The following KIR3DL1 variants were observed in gnomAD, a reference collection of about 807,000 sequenced individuals.
The protein encoded by KIR3DL1 is killer cell immunoglobulin-like receptor 3DL1.
In KIR3DL1, 50 loss-of-function variants were observed where a neutral mutation model predicts 40.3. That is an observed-to-expected ratio of 1.24 (90% confidence interval 0.99 to 1.57). The LOEUF is 1.57. Ranked by LOEUF, KIR3DL1 falls within the 40% of genes most tolerant of loss-of-function variation. The probability of loss-of-function intolerance (pLI) is 0.00; values close to 1 mark genes in which losing one functional copy is unlikely to be tolerated. For synonymous variants in KIR3DL1, 257 were observed against 207.2 expected (o/e 1.24, Z -2.07); for missense variants, 661 against 559.9 (o/e 1.18, Z -1.82).
chr19:54,830,607 A>G (rs1161869289), exon 9 of KIR3DL1: 7 of 346,154 alleles, frequency 2.0e-5, no homozygotes, highest in Non-Finnish European at 3.7e-5. Context: ...TTCCAAACAT[A>G]CAAGAGGCTC....
rs1411858978 is a variant in KIR3DL1, at chr19:54,828,060, G to A, written c.1001-1301G>A. 1.7e-4 allele frequency among the ~76,000 whole-genome samples: 25 copies of A among 150,648 alleles called. 2 individuals carry two copies. Among genetic ancestry groups the A allele is most frequent in the African/African-American group, 5.9e-4 (24 of 40,384 alleles). On this transcript the variant is annotated intron_variant, in intron 6 of 8. Transcript: ENST00000391728. ...AATTCACAGGAGGACAGGTGGTATTGAAGCAATAGATAGTCGAGGGGGTGG... is the reference window on the plus strand; with the variant it reads ...AATTCACAGGAGGACAGGTGGTATTAAAGCAATAGATAGTCGAGGGGGTGG...
chr19:54,823,165 G>C (rs2061723658), intron 5 of KIR3DL1, among the ~76,000 whole-genome samples: 1 of 150,760 alleles, frequency 6.6e-6, no homozygotes, highest in Non-Finnish European at 1.5e-5. Flanking sequence ...CTCCCTAGTA[G>C]CTGTGATTAC....
chr19:54,822,684 T>G (rs1162342956), intron 5 of KIR3DL1, among the ~76,000 whole-genome samples: 1 of 151,066 alleles, frequency 6.6e-6, no homozygotes, highest in Non-Finnish European at 1.5e-5. Context: ...CTTCCCTTCC[T>G]GGCCTCTGGT....
rs746251473 is a variant in KIR3DL1 at position 54,817,572 on chromosome 19, G to C, written c.70+3G>C. ...CCAGAGGGCCGGTCCACACATGGGT[G>C]AGTCCTTCCCCAAACCTTAGGGTGT... On this transcript the variant is annotated splice_donor_region_variant and intron_variant, in intron 2 of 8. Coordinates refer to ENST00000391728, the Ensembl canonical transcript of KIR3DL1. 21 of 1,508,236 alleles carry C rather than the reference G, an allele frequency of 1.4e-5. No individual in the cohort carries two copies. The highest frequency in any genetic ancestry group is 1.8e-5 in the Non-Finnish European group (20 of 1,107,620). The allele number at this position is 1,508,236 out of a possible 1,614,324, so 93.4% of individuals were successfully genotyped here.
At chr19:54,820,069 G>C (rs2061560490) in intron 4 of KIR3DL1, 57 bp downstream of exon 4, 3 of 1,561,472 alleles carry the variant, frequency 1.9e-6, no homozygotes, top group East Asian at 4.6e-5. Flanking sequence ...GAATGATCCA[G>C]GACTTGGAAC....
intron 2 of KIR3DL1, 90 bp downstream of exon 2, chr19:54,817,659 A>G: frequency 9.4e-7 from 1 of 1,062,878 alleles, no homozygotes; most frequent in South Asian, 1.4e-5. Context: ...GGAGTCTCTC[A>G]TACACTAGGA....
chr19:54,820,240 G>C (rs1601337506), intron 4 of KIR3DL1, among the ~76,000 whole-genome samples: 2 of 151,524 alleles, frequency 1.3e-5, no homozygotes, highest in East Asian at 3.9e-4. Flanking sequence ...GTAGAAAAGA[G>C]AGAAAGAGGT....
exon 4 of KIR3DL1, chr19:54,819,958 C>T (rs369106560): frequency 6.2e-7 from 1 of 1,611,872 alleles, no homozygotes; most frequent in Non-Finnish European, 8.5e-7. Flanking sequence ...TTCTGTTACT[C>T]ACACCCCCTA....
At chr19:54,823,936 C>CT (rs1456702071) in intron 5 of KIR3DL1, among the ~76,000 whole-genome samples, 5 of 135,820 alleles carry the variant, frequency 3.7e-5, no homozygotes, top group African/African-American at 5.3e-5. Context: ...GTCTTTTGCT[C>CT]GTTTTTTAAT....
chr19:54,830,121 A>G, exon 9 of KIR3DL1: 1 of 1,524,148 alleles, frequency 6.6e-7, no homozygotes, highest in Non-Finnish European at 8.9e-7. Flanking sequence ...CAAGACCCTG[A>G]GGAGGTGACA....
At chr19:54,820,057 G>A (rs2061559901) in intron 4 of KIR3DL1, 45 bp downstream of exon 4, 3 of 1,585,512 alleles carry the variant, frequency 1.9e-6, no homozygotes, top group Non-Finnish European at 2.6e-6. Flanking sequence ...GGGACACAGA[G>A]TGAATGATCC....
intron 6 of KIR3DL1, among the ~76,000 whole-genome samples, chr19:54,825,896 C>A (rs2061862275): frequency 6.6e-6 from 1 of 151,192 alleles, no homozygotes; most frequent in African/African-American, 2.5e-5. Flanking sequence ...TCAGACCCTT[C>A]TTCCTTACCA....
Position 54,828,898 on chromosome 19 carries a change from C to T in KIR3DL1, c.1001-463C>T, listed in dbSNP as rs879593126. Among the ~76,000 whole-genome samples, 86 of 141,024 alleles carry T rather than the reference C, an allele frequency of 6.1e-4. 7 individuals carry two copies. The highest frequency in any genetic ancestry group is 1.1e-3 in the Non-Finnish European group (71 of 63,700). 92.5% of individuals were successfully genotyped at this position (141,024 alleles called of 152,430 possible). Reference sequence around the variant, plus strand: ...CTGGCAGAAGGGAAGGAGGGTCTGTCTGTGCAGAGACCACAGAGATCACAC... The same window carrying T: ...CTGGCAGAAGGGAAGGAGGGTCTGTTTGTGCAGAGACCACAGAGATCACAC... On this transcript the variant is annotated intron_variant, in intron 6 of 8. Transcript: ENST00000391728.
rs773726507 is a variant in KIR3DL1 at position 54,816,561 on chromosome 19, G to A, written c.34+27G>A. ...TGAGTCCTGGAAGGGAATCGAGGGA[G>A]GGAGTGCGGGGATGGAGATCTGGAC... On this transcript the variant is annotated intron_variant, in intron 1 of 8. Coordinates refer to ENST00000391728, the Ensembl canonical transcript of KIR3DL1. 8.1e-6 allele frequency: 13 copies of A among 1,608,076 alleles called. No individual in the cohort carries two copies. The African/African-American group carries it at 1.7e-4, about 20-fold the overall frequency.
chr19:54,821,519 T>C (rs777105104), intron 4 of KIR3DL1, 46 bp from the exon 5 acceptor site: 11 of 1,574,712 alleles, frequency 7.0e-6, no homozygotes, highest in Middle Eastern at 1.8e-4. Context: ...AGGGGAGCTA[T>C]GACAAGGAAG....
Position 54,817,466 on chromosome 19 carries a change from C to G in KIR3DL1, c.35-68C>G, listed in dbSNP as rs1226454548. ...GGGCCTGGCTGCCAAGACGCACAGC[C>G]CAGTGGGGGCAGCAGGGTGCCCTGG... On this transcript the variant is annotated intron_variant, in intron 1 of 8. Coordinates refer to ENST00000391728, the Ensembl canonical transcript of KIR3DL1. The G allele has an allele frequency of 3.2e-5, 41 of 1,296,808 alleles. 1 individual carries two copies. The highest frequency in any genetic ancestry group is 1.9e-4 in the South Asian group (16 of 83,604). The allele number at this position is 1,296,808 out of a possible 1,614,324, so 80.3% of individuals were successfully genotyped here.
At position 54,828,690 on chromosome 19, in the gene KIR3DL1, T is replaced by C. The variant is rs1455810822; in HGVS notation, c.1001-671T>C. On this transcript the variant is annotated intron_variant, in intron 6 of 8. Coordinates refer to ENST00000391728, the Ensembl canonical transcript of KIR3DL1. Reference sequence around the variant, plus strand: ...AAGAACAGGAAGACAGCCCAGGCTGTTCTGGGACAATCCTCCTGATCTCAG... The same window carrying C: ...AAGAACAGGAAGACAGCCCAGGCTGCTCTGGGACAATCCTCCTGATCTCAG... 2.0e-5 allele frequency among the ~76,000 whole-genome samples: 3 copies of C among 149,352 alleles called. 1 individual carries two copies. Among genetic ancestry groups the C allele is most frequent in the Admixed American group, 6.7e-5 (1 of 14,988 alleles).
Position 54,818,480 on chromosome 19 carries a change from G to T in KIR3DL1, c.236G>T (p.Ser79Ile), listed in dbSNP as rs1460005083. ...TTCCATGGCAGAATATTCCAGGAGA[G>T]CTTCAACATGAGCCCTGTGACCACA... The change falls in exon 3 of 9, where the codon AGC (serine) becomes ATC (isoleucine). Residue 79 changes from serine (S) to isoleucine (I), a missense_variant. By Grantham distance (142) the Ser-to-Ile change is moderately radical (BLOSUM62 -2). Transcript: ENST00000391728. The T allele has an allele frequency of 1.5e-5, 24 of 1,610,046 alleles. 1 individual carries two copies. The highest frequency in any genetic ancestry group is 2.0e-5 in the Non-Finnish European group (23 of 1,178,724).
intron 6 of KIR3DL1, among the ~76,000 whole-genome samples, chr19:54,828,592 C>A (rs1410918627): frequency 6.6e-6 from 1 of 150,852 alleles, no homozygotes; most frequent in African/African-American, 2.5e-5. Flanking sequence ...CAGAAAGCAG[C>A]CCAGCCTGGG....
Sources: gnomAD v4.1 joint callset for allele counts (sites outside exome capture counted in the v4.1 genomes callset) on GRCh38, gnomAD v4.1.1 for gene constraint, MANE v1.5 for transcripts, NCBI Gene and HGNC (gene_info 2026-07-23, HGNC 2026-07-21) for gene names.